PIGN: variants seen among roughly 807,000 people sequenced by gnomAD.
PIGN encodes the protein GPI ethanolamine phosphate transferase 1.
Under a neutral mutation model 125.4 loss-of-function variants are expected in PIGN, and 117 were observed. The observed-to-expected ratio is 0.93, with a 90% confidence interval of 0.80 to 1.09. The LOEUF (loss-of-function observed/expected upper bound fraction) is 1.09. Among genes scored for constraint, PIGN ranks in the 50% least tolerant of loss-of-function variants. The pLI, the probability that PIGN is intolerant of heterozygous loss-of-function variation, is 0.00. For synonymous variants in PIGN, 392 were observed against 377.8 expected, an observed-to-expected ratio of 1.04 and a Z score of -0.44; for missense variants, 1,075 against 1,094.9, an observed-to-expected ratio of 0.98 and a Z score of 0.26.
chr18:62,072,481 T>G (rs2032935956), intron 30 of PIGN, 192 bp downstream of exon 30: 1 of 445,320 alleles, frequency 2.2e-6, no homozygotes, highest in East Asian at 3.4e-5. Flanking sequence ...GTATTCAGTA[T>G]GATAACATGC....
At chr18:62,174,773 A>G (rs1017340281) in intron 1 of PIGN, among the ~76,000 whole-genome samples, 8 of 151,850 alleles carry the variant, frequency 5.3e-5, no homozygotes, top group Non-Finnish European at 8.8e-5. Context: ...GGTAAGCACA[A>G]TATTTTTAAA....
At chr18:62,085,095 G>A (rs917060670) in intron 26 of PIGN, 114 bp downstream of exon 26, 11 of 656,598 alleles carry the variant, frequency 1.7e-5, no homozygotes, top group South Asian at 1.1e-4. Flanking sequence ...GCAACAGAGT[G>A]AGACTTGGTC....
At chr18:62,050,179 G>C (rs1270624222) in intron 30 of PIGN, among the ~76,000 whole-genome samples, 1 of 152,176 alleles carries the variant, frequency 6.6e-6, no homozygotes. Flanking sequence ...ACTTGGCGAT[G>C]CGGGCTCCTT....
intron 23 of PIGN, among the ~76,000 whole-genome samples, chr18:62,026,620 A>G (rs549347518): frequency 3.9e-5 from 6 of 152,348 alleles, no homozygotes; most frequent in Admixed American, 3.3e-4. Flanking sequence ...ACAATTTTAT[A>G]AAGTTTGATA....
chr18:62,154,772 T>C, intron 6 of PIGN, 121 bp from the exon 7 acceptor site: 1 of 634,372 alleles, frequency 1.6e-6, no homozygotes, highest in Non-Finnish European at 2.8e-6. Flanking sequence ...CATTGTTCAT[T>C]ATGATGGGGA....
Position 62,045,215 on chromosome 18 carries a change from A to C in PIGN, c.*641T>G, listed in dbSNP as rs986987458. The C allele has an allele frequency of 5.9e-5, 9 of 151,406 alleles. No homozygotes were observed. The highest frequency in any genetic ancestry group is 4.6e-4 in the Admixed American group (7 of 15,260). The allele number at this position is 151,406 out of a possible 1,614,324, so 9.4% of individuals were successfully genotyped here. On this transcript the variant is annotated 3_prime_UTR_variant, in exon 31 of 31. Coordinates refer to ENST00000640252, the MANE Select transcript of PIGN (RefSeq NM_176787.5). ...GTCAGAAATCCCAGGAAAATCCAGA[A>C]ATGAAAAAAAAAAAGTGAAGGATAG...
At chr18:62,124,327 A>C (rs2146838081) in intron 14 of PIGN, among the ~76,000 whole-genome samples, 1 of 152,294 alleles carries the variant, frequency 6.6e-6, no homozygotes, top group Admixed American at 6.5e-5. Context: ...TAATTTACCA[A>C]AAGATCTGAT....
Position 62,143,345 on chromosome 18 carries a change from C to T in PIGN, c.924G>A (p.Glu308=). Residue 308 remains glutamate (E), a splice_region_variant and synonymous_variant, in exon 11 of 31, where the codon GAG becomes GAA. Transcript: ENST00000640252. ...AQQFDDAFLK[E]WRLENWKRLD... The stretch of plus-strand genomic sequence containing the variant: ...GCCTCTTCCAATTCTCCAATCTCCA[C>T]TCTGAAAGATACAATCAGACACAAG... 1 of 1,520,970 alleles carries T rather than the reference C, an allele frequency of 6.6e-7. No individual in the cohort carries two copies. Among genetic ancestry groups the T allele is most frequent in the Non-Finnish European group, 9.0e-7 (1 of 1,107,376 alleles). 94.2% of individuals were successfully genotyped at this position (1,520,970 alleles called of 1,614,324 possible).
chr18:62,089,874 A>T (rs1193541240), intron 24 of PIGN, among the ~76,000 whole-genome samples: 1 of 152,174 alleles, frequency 6.6e-6, no homozygotes, highest in Non-Finnish European at 1.5e-5. Flanking sequence ...CTAAATATAG[A>T]CAAGAAACAT....
At chr18:62,062,651 T>C (rs1162194800) in intron 30 of PIGN, among the ~76,000 whole-genome samples, 3 of 152,090 alleles carry the variant, frequency 2.0e-5, no homozygotes. Flanking sequence ...TTATAAAAAA[T>C]ATTATCACGA....
intron 23 of PIGN, 81 bp from the exon 24 acceptor site, chr18:62,090,659 T>G (rs2033915287): frequency 2.8e-6 from 2 of 722,262 alleles, no homozygotes; most frequent in Admixed American, 5.2e-5. Flanking sequence ...GAGGTCTTTC[T>G]CAAAATTAAA....
chr18:62,045,316 T>C lies in PIGN; in HGVS notation c.*540A>G, dbSNP rs1414148112. 4 of 152,274 alleles carry C rather than the reference T, an allele frequency of 2.6e-5. No individual in the cohort carries two copies. The highest frequency in any genetic ancestry group is 7.2e-5 in the African/African-American group (3 of 41,446). 9.4% of individuals were successfully genotyped at this position (152,274 alleles called of 1,614,324 possible). A position where few individuals can be genotyped will look rare whatever the true frequency, so the allele number is the denominator to read the frequency against. On this transcript the variant is annotated 3_prime_UTR_variant, in exon 31 of 31. Coordinates refer to ENST00000640252, the MANE Select transcript of PIGN (RefSeq NM_176787.5). Reference sequence around the variant, plus strand: ...CACTAAAAAGGATAAGATAGCATTATTGCATACTAAAGAAATATGACAAAT... The same window carrying C: ...CACTAAAAAGGATAAGATAGCATTACTGCATACTAAAGAAATATGACAAAT...
downstream of PIGN, among the ~76,000 whole-genome samples, chr18:62,039,432 C>G (rs1899487599): frequency 6.6e-6 from 1 of 152,040 alleles, no homozygotes. Context: ...TACCTGATGT[C>G]CTTTTCTGTT....
intron 23 of PIGN, among the ~76,000 whole-genome samples, chr18:62,020,795 T>TAA (rs58826066): frequency 1.8e-3 from 259 of 141,040 alleles, no homozygotes; most frequent in African/African-American, 6.0e-3. Context: ...CTAAAAATAT[T>TAA]AAAAAAAAAA....
At chr18:62,033,076 G>A (rs1371767515) in intron 23 of PIGN, among the ~76,000 whole-genome samples, 1 of 152,218 alleles carries the variant, frequency 6.6e-6, no homozygotes. Context: ...CGCAGCCAAG[G>A]GGACCTGCAA....
At chr18:62,055,361 G>T (rs1228471058) in intron 30 of PIGN, among the ~76,000 whole-genome samples, 2 of 152,052 alleles carry the variant, frequency 1.3e-5, no homozygotes, top group South Asian at 2.1e-4. Flanking sequence ...AATCACCAGA[G>T]AATTACTCTG....
intron 30 of PIGN, among the ~76,000 whole-genome samples, chr18:62,062,348 T>G (rs1391832921): frequency 2.0e-5 from 3 of 152,228 alleles, no homozygotes; most frequent in African/African-American, 7.2e-5. Flanking sequence ...GCCATCAGCC[T>G]GATGAAGACA....
chr18:62,033,124 T>G (rs2030213431), intron 23 of PIGN, among the ~76,000 whole-genome samples: 1 of 152,210 alleles, frequency 6.6e-6, no homozygotes, highest in South Asian at 2.1e-4. Flanking sequence ...CCATAGCTAG[T>G]GTCTGCCCCA....
intron 16 of PIGN, among the ~76,000 whole-genome samples, chr18:62,110,779 A>G (rs1334537442): frequency 6.6e-6 from 1 of 151,466 alleles, no homozygotes; most frequent in East Asian, 1.9e-4. Flanking sequence ...TACATGGCAC[A>G]TGTGTACATA....
Sources: allele counts gnomAD v4.1 joint callset (sites outside exome capture counted in the v4.1 genomes callset), GRCh38; gene constraint gnomAD v4.1.1; transcripts MANE v1.5; gene names NCBI Gene and HGNC (gene_info 2026-07-23, HGNC 2026-07-21).